Variants in JAKMIP2 observed in about 807,000 individuals in gnomAD.
JAKMIP2 encodes janus kinase and microtubule-interacting protein 2.
JAKMIP2 carries 25 observed loss-of-function variants against 115.0 expected under a neutral mutation model. That is an observed-to-expected ratio of 0.22 (90% CI 0.16 to 0.30). JAKMIP2 has a LOEUF of 0.30. JAKMIP2 is among the 10% of genes least tolerant of loss of function. JAKMIP2 has a pLI of 1.00. For synonymous variants in JAKMIP2, 334 were observed against 343.6 expected (o/e 0.97, Z 0.31); for missense variants, 642 against 957.6 (o/e 0.67, Z 4.35).
chr5:147,778,034 G>T (rs1171414045), intron 1 of JAKMIP2, among the ~76,000 whole-genome samples: 3 of 151,992 alleles, frequency 2.0e-5, no homozygotes, highest in Non-Finnish European at 4.4e-5. Context: ...AGGACATATA[G>T]GTAGGAGGTG....
intron 7 of JAKMIP2, 35 bp downstream of exon 7, chr5:147,644,023 A>G (rs752907875): frequency 1.4e-6 from 2 of 1,473,216 alleles, no homozygotes; most frequent in East Asian, 4.7e-5. Flanking sequence ...TGTCCTTGGG[A>G]ACAACTTAGG....
chr5:147,701,598 A>C (rs1461839219), intron 1 of JAKMIP2, among the ~76,000 whole-genome samples: 4 of 152,212 alleles, frequency 2.6e-5, no homozygotes, highest in Non-Finnish European at 5.9e-5. Context: ...GCATACATTT[A>C]GGTCACACAC....
chr5:147,756,179 T>C (rs1442817831), intron 1 of JAKMIP2, among the ~76,000 whole-genome samples: 1 of 152,232 alleles, frequency 6.6e-6, no homozygotes, highest in Non-Finnish European at 1.5e-5. Flanking sequence ...AGAATTATTA[T>C]TCCTTTCAAA....
chr5:147,740,400 G>A (rs142478241), intron 1 of JAKMIP2, among the ~76,000 whole-genome samples: 37 of 152,326 alleles, frequency 2.4e-4, no homozygotes, highest in African/African-American at 8.9e-4. Flanking sequence ...ATTGCTGGAG[G>A]TTAGGGAGCT....
At chr5:147,655,900 T>C (rs563165706) in intron 3 of JAKMIP2, among the ~76,000 whole-genome samples, 1 of 152,332 alleles carries the variant, frequency 6.6e-6, no homozygotes, top group East Asian at 1.9e-4. Context: ...TGTCTCTCTG[T>C]TCTCATTGTT....
chr5:147,643,062 T>C (rs1288894379), intron 7 of JAKMIP2, among the ~76,000 whole-genome samples: 1 of 152,140 alleles, frequency 6.6e-6, no homozygotes, highest in Non-Finnish European at 1.5e-5. Flanking sequence ...AGCTTGCAGA[T>C]GACCTATTGT....
At chr5:147,704,493 C>T (rs1177423201) in intron 1 of JAKMIP2, among the ~76,000 whole-genome samples, 1 of 152,118 alleles carries the variant, frequency 6.6e-6, no homozygotes, top group East Asian at 1.9e-4. Flanking sequence ...TTCCATTTCT[C>T]TCCTGGCCTC....
At chr5:147,743,101 T>C (rs1168578979) in intron 1 of JAKMIP2, among the ~76,000 whole-genome samples, 1 of 152,222 alleles carries the variant, frequency 6.6e-6, no homozygotes, top group Non-Finnish European at 1.5e-5. Context: ...GTTTGTTCCA[T>C]GTTAGTTCTT....
At chr5:147,618,562 C>T (rs1054795449) in intron 18 of JAKMIP2, among the ~76,000 whole-genome samples, 32 of 152,048 alleles carry the variant, frequency 2.1e-4, no homozygotes, top group Admixed American at 7.9e-4. Context: ...TGTGGTGAAA[C>T]CCCATTTCTA....
chr5:147,608,122 CA>C (rs1756126033), intron 20 of JAKMIP2, among the ~76,000 whole-genome samples: 1 of 152,008 alleles, frequency 6.6e-6, no homozygotes, highest in Admixed American at 6.6e-5. Flanking sequence ...TTCAAAAAAC[CA>C]GCTCCTGGAT....
At chr5:147,686,853 T>C (rs1329694501) in intron 1 of JAKMIP2, among the ~76,000 whole-genome samples, 5 of 152,224 alleles carry the variant, frequency 3.3e-5, no homozygotes. Flanking sequence ...CCCAGCATTT[T>C]CTTTATTACC....
At chr5:147,607,511 C>T (rs1756087557) in intron 20 of JAKMIP2, among the ~76,000 whole-genome samples, 1 of 152,064 alleles carries the variant, frequency 6.6e-6, no homozygotes, top group African/African-American at 2.4e-5. Flanking sequence ...GGCTTGCATC[C>T]CAGGGATGAA....
intron 1 of JAKMIP2, among the ~76,000 whole-genome samples, chr5:147,752,057 C>T (rs992512788): frequency 6.6e-6 from 1 of 152,014 alleles, no homozygotes; most frequent in Non-Finnish European, 1.5e-5. Flanking sequence ...CAGAAAAGAA[C>T]ATAAAATAGA....
At chr5:147,643,960 C>T in intron 7 of JAKMIP2, 98 bp downstream of exon 7, 2 of 974,786 alleles carry the variant, frequency 2.1e-6, no homozygotes, top group Non-Finnish European at 2.9e-6. Context: ...GAACTTGGGC[C>T]TCTGGGGTTA....
At chr5:147,724,136 T>G (rs1412542754) in intron 1 of JAKMIP2, among the ~76,000 whole-genome samples, 1 of 152,226 alleles carries the variant, frequency 6.6e-6, no homozygotes, top group Non-Finnish European at 1.5e-5. Flanking sequence ...TAAATCTACA[T>G]TTTTGAATAT....
At chr5:147,691,845 T>C (rs1476602935) in intron 1 of JAKMIP2, among the ~76,000 whole-genome samples, 1 of 152,128 alleles carries the variant, frequency 6.6e-6, no homozygotes, top group Non-Finnish European at 1.5e-5. Context: ...GGTGACTCCT[T>C]GAGACTTTTT....
At chr5:147,610,015 T>C (rs970312542) in intron 20 of JAKMIP2, among the ~76,000 whole-genome samples, 1 of 152,202 alleles carries the variant, frequency 6.6e-6, no homozygotes, top group Non-Finnish European at 1.5e-5. Context: ...TTGTGCTGTG[T>C]TTTTCAGCTC....
intron 16 of JAKMIP2, among the ~76,000 whole-genome samples, chr5:147,626,078 C>T (rs1262764112): frequency 6.6e-6 from 1 of 152,212 alleles, no homozygotes; most frequent in Non-Finnish European, 1.5e-5. Flanking sequence ...TCCCATATAA[C>T]AGAGTGCTAT....
At chr5:147,723,327 A>G (rs1753391028) in intron 1 of JAKMIP2, among the ~76,000 whole-genome samples, 1 of 152,198 alleles carries the variant, frequency 6.6e-6, no homozygotes, top group African/African-American at 2.4e-5. Context: ...TGTAAAGATC[A>G]TGCCAAATAA....
Sources: allele counts gnomAD v4.1 joint callset (sites outside exome capture counted in the v4.1 genomes callset), GRCh38; gene constraint gnomAD v4.1.1; transcripts MANE v1.5; gene names NCBI Gene and HGNC (gene_info 2026-07-23, HGNC 2026-07-21).